Variants in GMDS observed in about 807,000 individuals in gnomAD.
GMDS encodes the protein GDP-mannose 4,6-dehydratase, also known as GDP-mannose 4,6 dehydratase.
In GMDS, 20 loss-of-function variants were observed where a neutral mutation model predicts 49.9. The ratio of observed to expected loss-of-function variants is 0.40; its 90% CI spans 0.28 to 0.58. The LOEUF is 0.58. GMDS is among the 20% of genes least tolerant of loss of function. The probability of loss-of-function intolerance (pLI) is 0.42; values close to 1 mark genes in which losing one functional copy is unlikely to be tolerated. For synonymous variants in GMDS, 177 were observed against 178.6 expected (o/e 0.99, Z 0.07); for missense variants, 362 against 481.4 (o/e 0.75, Z 2.32).
intron 4 of GMDS, among the ~76,000 whole-genome samples, chr6:2,098,010 A>T (rs1292888887): frequency 7.6e-6 from 1 of 132,030 alleles, no homozygotes; most frequent in Middle Eastern, 3.8e-3. Context: ...ATGTTTTAAG[A>T]AAAAAAAAAA....
intron 5 of GMDS, 94 bp from the exon 6 acceptor site, chr6:1,960,065 C>A: frequency 3.1e-6 from 2 of 637,626 alleles, no homozygotes; most frequent in Non-Finnish European, 5.5e-6. Context: ...GAAATAATAA[C>A]TTGTAATGCA....
intron 4 of GMDS, among the ~76,000 whole-genome samples, chr6:2,060,946 G>A (rs1771113654): frequency 6.6e-6 from 1 of 152,030 alleles, no homozygotes; most frequent in Non-Finnish European, 1.5e-5. Flanking sequence ...CTTGAACCTG[G>A]GACATGGAGG....
chr6:1,697,299 C>T (rs1765378393), intron 9 of GMDS, among the ~76,000 whole-genome samples: 1 of 152,200 alleles, frequency 6.6e-6, no homozygotes, highest in Admixed American at 6.5e-5. Context: ...TCCTCCGAGC[C>T]AGATACCAGC....
chr6:2,185,047 G>A (rs1778717693), intron 1 of GMDS, among the ~76,000 whole-genome samples: 2 of 152,204 alleles, frequency 1.3e-5, no homozygotes, highest in Non-Finnish European at 2.9e-5. Context: ...GTTCTATGGT[G>A]GAGGCCCAGG....
At chr6:1,730,124 G>A (rs998779645) in intron 8 of GMDS, among the ~76,000 whole-genome samples, 6 of 152,198 alleles carry the variant, frequency 3.9e-5, no homozygotes, top group African/African-American at 7.2e-5. Flanking sequence ...GAAGAAAGGC[G>A]ATTTAATTAG....
intron 7 of GMDS, among the ~76,000 whole-genome samples, chr6:1,815,698 C>T (rs1770632954): frequency 6.6e-6 from 1 of 152,178 alleles, no homozygotes; most frequent in African/African-American, 2.4e-5. Context: ...ACTCACAAGG[C>T]AAAAGATGAG....
intron 7 of GMDS, among the ~76,000 whole-genome samples, chr6:1,882,236 G>C (rs1023149432): frequency 3.3e-5 from 5 of 152,156 alleles, no homozygotes; most frequent in African/African-American, 1.2e-4. Flanking sequence ...CCTCAGAGCT[G>C]GAGGCAGAGA....
At chr6:2,216,584 G>A (rs904398409) in intron 1 of GMDS, among the ~76,000 whole-genome samples, 8 of 152,210 alleles carry the variant, frequency 5.3e-5, no homozygotes, top group Non-Finnish European at 7.3e-5. Flanking sequence ...GTCTGAGCTG[G>A]TGTGGCAGCA....
At chr6:2,240,630 A>G (rs1054624622) in intron 1 of GMDS, among the ~76,000 whole-genome samples, 2 of 151,996 alleles carry the variant, frequency 1.3e-5, no homozygotes, top group African/African-American at 4.8e-5. Context: ...AGAAAAGAAA[A>G]AGAAAACCAC....
At chr6:2,109,001 TACAGTTATTTGAATG>T (rs1479856718) in intron 4 of GMDS, among the ~76,000 whole-genome samples, 1 of 152,128 alleles carries the variant, frequency 6.6e-6, no homozygotes, top group Non-Finnish European at 1.5e-5. Context: ...TGGCAGGAAA[TACAGTTATTTGAATG>T]AGGAAGACAT....
intron 4 of GMDS, among the ~76,000 whole-genome samples, chr6:2,071,684 TAAA>T (rs148189888): frequency 4.3e-5 from 6 of 141,080 alleles, no homozygotes; most frequent in Non-Finnish European, 1.6e-5. Flanking sequence ...ACTTCACATT[TAAA>T]AAAAAAAAAA....
chr6:1,822,012 G>T (rs1770923351), intron 7 of GMDS, among the ~76,000 whole-genome samples: 1 of 150,398 alleles, frequency 6.6e-6, no homozygotes, highest in African/African-American at 2.4e-5. Context: ...TTCCTGAAAA[G>T]AAAAAAAAAT....
chr6:1,834,959 A>T (rs1258521649), intron 7 of GMDS, among the ~76,000 whole-genome samples: 1 of 152,154 alleles, frequency 6.6e-6, no homozygotes, highest in African/African-American at 2.4e-5. Context: ...TTTCACGGAG[A>T]ATGTTCTTGT....
At chr6:1,668,638 C>T (rs978830753) in intron 9 of GMDS, among the ~76,000 whole-genome samples, 16 of 151,806 alleles carry the variant, frequency 1.1e-4, no homozygotes, top group African/African-American at 3.4e-4. Flanking sequence ...CCCTGGGAGT[C>T]GGAGTTTGCA....
intron 4 of GMDS, among the ~76,000 whole-genome samples, chr6:2,030,840 G>A (rs1768909641): frequency 2.0e-5 from 3 of 152,136 alleles, no homozygotes; most frequent in Admixed American, 2.0e-4. Context: ...GTGATATATA[G>A]CATATGTTTC....
At chr6:1,803,994 G>A (rs766108955) in intron 7 of GMDS, among the ~76,000 whole-genome samples, 10 of 152,102 alleles carry the variant, frequency 6.6e-5, no homozygotes, top group Non-Finnish European at 1.5e-4. Flanking sequence ...TACACATTTT[G>A]AAAGAAGTGC....
intron 9 of GMDS, among the ~76,000 whole-genome samples, chr6:1,653,760 C>T (rs1325759379): frequency 1.3e-5 from 2 of 152,216 alleles, no homozygotes; most frequent in African/African-American, 4.8e-5. Context: ...CGAAAGAACA[C>T]AGCTGGACCC....
chr6:1,709,795 G>A (rs770341299), intron 9 of GMDS, among the ~76,000 whole-genome samples: 9 of 152,216 alleles, frequency 5.9e-5, no homozygotes, highest in Non-Finnish European at 1.0e-4. Flanking sequence ...GGGACTGAGA[G>A]TTATGTTTCA....
At chr6:1,831,839 C>A (rs1329504903) in intron 7 of GMDS, among the ~76,000 whole-genome samples, 1 of 152,136 alleles carries the variant, frequency 6.6e-6, no homozygotes, top group Non-Finnish European at 1.5e-5. Context: ...GGTCTCTACA[C>A]AGCCAATGCA....
Sources: gnomAD v4.1 joint callset for allele counts (sites outside exome capture counted in the v4.1 genomes callset) on GRCh38, gnomAD v4.1.1 for gene constraint, MANE v1.5 for transcripts, NCBI Gene and HGNC (gene_info 2026-07-23, HGNC 2026-07-21) for gene names.